The following ATP9B variants were observed in gnomAD, a reference collection of about 807,000 sequenced individuals.
ATP9B encodes ATPase phospholipid transporting 9B.
A neutral mutation model predicts 146.1 loss-of-function variants in ATP9B; 110 were observed. The observed-to-expected ratio is 0.75, with a 90% CI of 0.65 to 0.88. ATP9B has a LOEUF of 0.88. ATP9B is among the 40% of genes least tolerant of loss of function. ATP9B has a pLI of 0.00. For missense variants in ATP9B, 1,499 were observed against 1,496.4 expected, an observed-to-expected ratio of 1.00 and a Z score of -0.03; for synonymous variants, 604 against 569.7, an observed-to-expected ratio of 1.06 and a Z score of -0.86.
rs12966944 is a variant in ATP9B at position 79,265,367 on chromosome 18, A to T, written c.1269-11687A>T. Among the ~76,000 whole-genome samples the T allele has an allele frequency of 2.6e-5, 4 of 151,922 alleles. No individual in the cohort carries two copies. In the East Asian group the frequency reaches 7.8e-4, roughly 29 times the overall value. The stretch of plus-strand genomic sequence containing the variant: ...TTCCTTGTTGGTTGGGCTGGTCTCA[A>T]ACTCCTGACCTCCTGATCTGCCCGC... On this transcript the variant is annotated intron_variant, in intron 12 of 29. Coordinates refer to ENST00000426216, the MANE Select transcript of ATP9B (RefSeq NM_198531.5).
rs369904479 is a variant in ATP9B at position 79,134,069 on chromosome 18, C to T, written c.667+7694C>T. 1.4e-4 allele frequency among the ~76,000 whole-genome samples: 22 copies of T among 152,348 alleles called. No individual in the cohort carries two copies. The South Asian group carries it at 4.6e-3, about 32-fold the overall frequency. ...CTTAGAACCCTTGAGTCGCATGTGA[C>T]TCTCCAGCTCCCTGTGGCCTGGCTC... On this transcript the variant is annotated intron_variant, in intron 5 of 29. Transcript: ENST00000426216.
intron 15 of ATP9B, among the ~76,000 whole-genome samples, chr18:79,325,882 C>T (rs1363501959): frequency 8.6e-5 from 13 of 150,906 alleles, no homozygotes; most frequent in Admixed American, 7.9e-4. Context: ...CATCTCTGTA[C>T]CCTCCGTCCC....
chr18:79,152,602 G>T (rs2094707659), intron 6 of ATP9B, among the ~76,000 whole-genome samples: 1 of 152,086 alleles, frequency 6.6e-6, no homozygotes, highest in South Asian at 2.1e-4. Flanking sequence ...AAATATTCTT[G>T]TCATGTTTGA....
At chr18:79,228,607 A>G (rs188534240) in intron 11 of ATP9B, among the ~76,000 whole-genome samples, 251 of 152,324 alleles carry the variant, frequency 1.6e-3, no homozygotes, top group African/African-American at 5.9e-3. Context: ...CTCTTTCCCT[A>G]TATTTTGCAC....
At chr18:79,326,544 C>G (rs906566472) in intron 15 of ATP9B, among the ~76,000 whole-genome samples, 2 of 151,708 alleles carry the variant, frequency 1.3e-5, no homozygotes, top group Admixed American at 1.3e-4. Flanking sequence ...TGCACACTCT[C>G]TCCCTGCACA....
chr18:79,075,794 G>T lies in ATP9B; in HGVS notation c.119+6265G>T, dbSNP rs192512554. On this transcript the variant is annotated intron_variant, in intron 1 of 29. Coordinates refer to ENST00000426216, the MANE Select transcript of ATP9B (RefSeq NM_198531.5). ...TATATTTAGAAGGTTTATGTTCAGC[G>T]TAATGTTTATGCCATTTTATTTTTT... 4.9e-4 allele frequency among the ~76,000 whole-genome samples: 74 copies of T among 151,940 alleles called. 1 individual carries two copies. The South Asian group carries it at 0.015, about 31-fold the overall frequency.
rs964770592 is a variant in ATP9B at position 79,176,910 on chromosome 18, G to A, written c.873+3G>A. On this transcript the variant is annotated splice_donor_region_variant and intron_variant, in intron 8 of 29. Transcript: ENST00000426216. ...CGCAACAGCTGCCGGCTCTGGGGGT[G>A]AGCAGCACCAAGACTACTCCATCCT... 8.1e-6 allele frequency: 13 copies of A among 1,613,334 alleles called. No individual in the cohort carries two copies. The Admixed American group carries it at 1.7e-4, about 21-fold the overall frequency.
chr18:79,085,263 C>G (rs2073704156), intron 1 of ATP9B: 1 of 152,194 alleles, frequency 6.6e-6, no homozygotes, highest in African/African-American at 2.4e-5. Flanking sequence ...GGACCACCCC[C>G]TACCCCATGA....
At chr18:79,238,109 A>G (rs904015490) in intron 11 of ATP9B, among the ~76,000 whole-genome samples, 2 of 152,260 alleles carry the variant, frequency 1.3e-5, no homozygotes, top group Non-Finnish European at 2.9e-5. Flanking sequence ...AAAGTAGGAA[A>G]GCATTTTATT....
rs533676979 is a variant in ATP9B, at chr18:79,372,012, A to T, written c.3013-813A>T. On this transcript the variant is annotated intron_variant, in intron 26 of 29. Coordinates refer to ENST00000426216, the MANE Select transcript of ATP9B (RefSeq NM_198531.5). ...CTGAGAAAATAGATGCGAAGGTGTC[A>T]AACAAAGGCCTCACATAAAGACAGG... Among the ~76,000 whole-genome samples, 4 of 152,362 alleles carry T rather than the reference A, an allele frequency of 2.6e-5. No individual in the cohort carries two copies. In the South Asian group the frequency reaches 8.3e-4, roughly 32 times the overall value.
At chr18:79,178,184 A>G (rs552188315) in intron 8 of ATP9B, among the ~76,000 whole-genome samples, 1 of 152,130 alleles carries the variant, frequency 6.6e-6, no homozygotes, top group Admixed American at 6.5e-5. Context: ...CCTGGATCAC[A>G]CAGTGTGGCT....
intron 13 of ATP9B, among the ~76,000 whole-genome samples, chr18:79,298,198 A>G (rs2096566285): frequency 6.8e-6 from 1 of 146,890 alleles, no homozygotes; most frequent in Non-Finnish European, 1.5e-5. Context: ...CTGCAGATGG[A>G]ATAATTATCT....
intron 13 of ATP9B, among the ~76,000 whole-genome samples, chr18:79,302,590 A>G (rs185213039): frequency 3.3e-5 from 5 of 152,320 alleles, no homozygotes; most frequent in African/African-American, 4.8e-5. Context: ...TAATATGTGT[A>G]TTTTTAGGTT....
At chr18:79,122,759 T>G (rs2094211358) in intron 4 of ATP9B, among the ~76,000 whole-genome samples, 2 of 152,182 alleles carry the variant, frequency 1.3e-5, no homozygotes, top group Admixed American at 1.3e-4. Flanking sequence ...TTGCTAACTC[T>G]AGTTCAATAA....
intron 1 of ATP9B, among the ~76,000 whole-genome samples, chr18:79,074,195 G>A (rs2072323419): frequency 6.6e-6 from 1 of 152,174 alleles, no homozygotes; most frequent in Non-Finnish European, 1.5e-5. Context: ...GGTGCTGCGT[G>A]AGAGGGAAAG....
rs2072447196 is a variant in ATP9B, at chr18:79,075,108, AC to A, written c.119+5580del. On this transcript the variant is annotated intron_variant, in intron 1 of 29. Transcript: ENST00000426216. Reference sequence around the variant, plus strand: ...TTTTTTTTTTTTGAGACGGAGTCTCACTCTGTCCCCCAGGCTGGAGTGCATT... The same window carrying A: ...TTTTTTTTTTTTGAGACGGAGTCTCATCTGTCCCCCAGGCTGGAGTGCATT... Among the ~76,000 whole-genome samples, 4 of 147,158 alleles carry A rather than the reference AC, an allele frequency of 2.7e-5. No individual in the cohort carries two copies. The South Asian group carries it at 8.5e-4, about 31-fold the overall frequency.
chr18:79,153,280 T>C (rs1334225625), intron 6 of ATP9B, among the ~76,000 whole-genome samples: 1 of 152,222 alleles, frequency 6.6e-6, no homozygotes, highest in Admixed American at 6.5e-5. Flanking sequence ...TAGACTGATA[T>C]AGCTTTCCCA....
At chr18:79,160,713 C>G (rs562541058) in intron 7 of ATP9B, among the ~76,000 whole-genome samples, 2 of 152,274 alleles carry the variant, frequency 1.3e-5, no homozygotes, top group African/African-American at 4.8e-5. Flanking sequence ...AAATACCTTG[C>G]TTAACATTAT....
At chr18:79,303,772 T>A in intron 14 of ATP9B, 56 bp downstream of exon 14, 1 of 1,305,590 alleles carries the variant, frequency 7.7e-7, no homozygotes, top group Non-Finnish European at 1.1e-6. Flanking sequence ...GCGCCATGAG[T>A]CCAGCTGAGC....
Sources: gnomAD v4.1 joint callset for allele counts (sites outside exome capture counted in the v4.1 genomes callset) on GRCh38, gnomAD v4.1.1 for gene constraint, MANE v1.5 for transcripts, NCBI Gene and HGNC (gene_info 2026-07-23, HGNC 2026-07-21) for gene names.